PEBP4: variants seen among roughly 807,000 people sequenced by gnomAD.
The protein encoded by PEBP4 is phosphatidylethanolamine binding protein 4.
Under a neutral mutation model 23.9 loss-of-function variants are expected in PEBP4, and 22 were observed. The observed-to-expected ratio is 0.92, with a 90% CI of 0.66 to 1.31. The LOEUF is 1.31. Among genes scored for constraint, PEBP4 ranks in the 40% most tolerant of loss-of-function variants. The pLI is 0.00. For missense variants in PEBP4, 324 were observed against 281.7 expected, an observed-to-expected ratio of 1.15 and a Z score of -1.07; for synonymous variants, 112 against 99.3, an observed-to-expected ratio of 1.13 and a Z score of -0.76.
intron 4 of PEBP4, among the ~76,000 whole-genome samples, chr8:22,751,970 C>T (rs550543714): frequency 2.0e-5 from 3 of 152,184 alleles, no homozygotes; most frequent in Non-Finnish European, 4.4e-5. Flanking sequence ...GATCATAGCG[C>T]ACTGCAGCCT....
chr8:22,870,143 A>C (rs1346168430), intron 3 of PEBP4, among the ~76,000 whole-genome samples: 1 of 152,144 alleles, frequency 6.6e-6, no homozygotes, highest in Non-Finnish European at 1.5e-5. Context: ...TCACACAAAA[A>C]CCTGCACACA....
intron 3 of PEBP4, among the ~76,000 whole-genome samples, chr8:22,849,740 A>G (rs974234779): frequency 1.3e-5 from 2 of 152,178 alleles, no homozygotes; most frequent in African/African-American, 4.8e-5. Context: ...TTCACTCTTC[A>G]TATCTACTTT....
chr8:22,909,118 T>C (rs1218585517), intron 3 of PEBP4, among the ~76,000 whole-genome samples: 1 of 152,144 alleles, frequency 6.6e-6, no homozygotes, highest in African/African-American at 2.4e-5. Flanking sequence ...CCCCAGCCAC[T>C]CAGCCAGCTC....
At chr8:22,840,096 C>A (rs1220599201) in intron 3 of PEBP4, among the ~76,000 whole-genome samples, 1 of 152,120 alleles carries the variant, frequency 6.6e-6, no homozygotes, top group East Asian at 1.9e-4. Context: ...TTCTCCATAC[C>A]CATCAGAAGA....
intron 3 of PEBP4, among the ~76,000 whole-genome samples, chr8:22,918,627 G>C (rs1420193313): frequency 6.6e-6 from 1 of 152,200 alleles, no homozygotes; most frequent in Non-Finnish European, 1.5e-5. Flanking sequence ...CCTTTGGGGA[G>C]AATTCCCTTG....
intron 4 of PEBP4, among the ~76,000 whole-genome samples, chr8:22,766,716 T>G (rs1162562210): frequency 6.6e-6 from 1 of 152,214 alleles, no homozygotes; most frequent in Non-Finnish European, 1.5e-5. Flanking sequence ...GAATCCAATA[T>G]GAAGATGGTT....
rs532534147 is a variant in PEBP4, at chr8:22,713,255, G to C, written c.*115C>G. 1.3e-5 allele frequency: 18 copies of C among 1,416,178 alleles called. No individual in the cohort carries two copies. The African/African-American group carries it at 2.3e-4, about 18-fold the overall frequency. 87.7% of individuals were successfully genotyped at this position (1,416,178 alleles called of 1,614,324 possible). A position where few individuals can be genotyped will look rare whatever the true frequency, so the allele number is the denominator to read the frequency against. ...GCTAGGATACAAAGCACCAAGCCCT[G>C]GATGATTTTTTTTTTATTTGGAAAA... On this transcript the variant is annotated 3_prime_UTR_variant, in exon 7 of 7. Coordinates refer to ENST00000256404, the MANE Select transcript of PEBP4 (RefSeq NM_144962.3).
intron 4 of PEBP4, among the ~76,000 whole-genome samples, chr8:22,729,917 T>C (rs1414364117): frequency 6.6e-6 from 1 of 152,224 alleles, no homozygotes; most frequent in African/African-American, 2.4e-5. Flanking sequence ...CTACAATTTC[T>C]ACCATAGAAT....
chr8:22,790,344 G>A (rs949178237), intron 4 of PEBP4, among the ~76,000 whole-genome samples: 9 of 152,212 alleles, frequency 5.9e-5, no homozygotes, highest in Non-Finnish European at 1.3e-4. Context: ...CCATGTGGAA[G>A]CACCTCCTGA....
intron 2 of PEBP4, chr8:22,925,083 C>G (rs1173441669): frequency 1.0e-6 from 1 of 985,260 alleles, no homozygotes. Context: ...GTCCTGCTGT[C>G]TCCTCAGGGG....
intron 3 of PEBP4, among the ~76,000 whole-genome samples, chr8:22,906,682 T>A (rs2128777919): frequency 6.6e-6 from 1 of 152,368 alleles, no homozygotes; most frequent in South Asian, 2.1e-4. Context: ...AGTTTGGCAT[T>A]GACAGGTTGA....
chr8:22,715,188 G>A (rs1224011562), intron 6 of PEBP4, among the ~76,000 whole-genome samples: 1 of 152,196 alleles, frequency 6.6e-6, no homozygotes, highest in African/African-American at 2.4e-5. Context: ...GGGGTTCCAG[G>A]AGTTCTTTTG....
chr8:22,937,364 T>C (rs1489679762), intron 1 of PEBP4, among the ~76,000 whole-genome samples: 1 of 152,050 alleles, frequency 6.6e-6, no homozygotes, highest in Non-Finnish European at 1.5e-5. Context: ...CAGAATAAAC[T>C]AGGAATAAAC....
intron 3 of PEBP4, chr8:22,886,354 G>A (rs950772827): frequency 3.3e-5 from 5 of 152,318 alleles, no homozygotes; most frequent in Admixed American, 6.5e-5. Flanking sequence ...CTGACCAGGC[G>A]TGTAATACAT....
At chr8:22,891,676 G>A (rs777572664) in intron 3 of PEBP4, among the ~76,000 whole-genome samples, 6 of 152,328 alleles carry the variant, frequency 3.9e-5, no homozygotes, top group South Asian at 2.1e-4. Context: ...AGGTGGGCCC[G>A]CCTCAGACAG....
At chr8:22,779,450 G>C (rs1291978719) in intron 4 of PEBP4, among the ~76,000 whole-genome samples, 1 of 152,104 alleles carries the variant, frequency 6.6e-6, no homozygotes, top group Non-Finnish European at 1.5e-5. Context: ...CACGGAGGTC[G>C]CCAGGCAAAG....
At chr8:22,930,555 C>A (rs949039437), upstream of PEBP4, among the ~76,000 whole-genome samples, 1 of 152,108 alleles carries the variant, frequency 6.6e-6, no homozygotes, top group Non-Finnish European at 1.5e-5. Flanking sequence ...ACGCCACTTC[C>A]GTTTCTGATC....
intron 4 of PEBP4, among the ~76,000 whole-genome samples, chr8:22,764,107 C>T (rs1805563233): frequency 6.6e-6 from 1 of 152,118 alleles, no homozygotes; most frequent in South Asian, 2.1e-4. Flanking sequence ...AGAAATTTAC[C>T]AAGGATGAAG....
At chr8:22,806,614 CAAAA>C (rs55944201) in intron 4 of PEBP4, among the ~76,000 whole-genome samples, 1 of 85,876 alleles carries the variant, frequency 1.2e-5, no homozygotes, top group African/African-American at 4.2e-5. Context: ...GACTGTGTCT[CAAAA>C]AAAAAAAAAA....
Sources: allele counts gnomAD v4.1 joint callset (sites outside exome capture counted in the v4.1 genomes callset), GRCh38; gene constraint gnomAD v4.1.1; transcripts MANE v1.5; gene names NCBI Gene and HGNC (gene_info 2026-07-23, HGNC 2026-07-21).